The following LUZP2 variants were observed in gnomAD, a reference collection of about 807,000 sequenced individuals.
LUZP2 encodes leucine zipper protein 2.
LUZP2 carries 52 observed loss-of-function variants against 51.6 expected under a neutral mutation model. The ratio of observed to expected loss-of-function variants is 1.01; its 90% confidence interval spans 0.81 to 1.27. The LOEUF is 1.27. LUZP2 is among the 50% of genes most tolerant of loss of function. The probability of loss-of-function intolerance (pLI) is 0.00; values close to 1 mark genes in which losing one functional copy is unlikely to be tolerated. For synonymous variants in LUZP2, 154 were observed against 137.3 expected (o/e 1.12, Z -0.85); for missense variants, 436 against 395.4 (o/e 1.10, Z -0.87).
At chr11:24,525,068 C>A (rs2133809959) in intron 1 of LUZP2, among the ~76,000 whole-genome samples, 1 of 151,750 alleles carries the variant, frequency 6.6e-6, no homozygotes, top group Non-Finnish European at 1.5e-5. Context: ...TATGATTCTC[C>A]AATTTTTCAG....
chr11:24,897,345 TTGCTCTTTGCAATAAATCTTGTTC>T (rs1304469731), intron 5 of LUZP2, among the ~76,000 whole-genome samples: 1 of 152,200 alleles, frequency 6.6e-6, no homozygotes, highest in East Asian at 1.9e-4. Context: ...CTTTGTTGTT[TTGCTCTTTGCAATAAATCTTGTTC>T]TGCTCTTTCT....
At chr11:24,853,711 T>C in intron 5 of LUZP2, among the ~76,000 whole-genome samples, 1 of 152,136 alleles carries the variant, frequency 6.6e-6, no homozygotes, top group African/African-American at 2.4e-5. Context: ...TTTCTGGCTT[T>C]TGGAATTTTC....
At chr11:25,001,789 CTA>C (rs1856688288) in intron 9 of LUZP2, among the ~76,000 whole-genome samples, 1 of 152,076 alleles carries the variant, frequency 6.6e-6, no homozygotes, top group African/African-American at 2.4e-5. Flanking sequence ...CTTTGTCTCT[CTA>C]TCTCTTCCTC....
chr11:24,578,332 T>C (rs7131395), intron 1 of LUZP2, among the ~76,000 whole-genome samples: 87,569 of 151,818 alleles, frequency 0.58, 25,867 homozygotes, highest in East Asian at 0.73. Context: ...TACTTTTTGT[T>C]TTCATAATTT....
chr11:24,967,606 T>A (rs928899635), intron 7 of LUZP2, among the ~76,000 whole-genome samples: 4 of 152,010 alleles, frequency 2.6e-5, no homozygotes, highest in Admixed American at 1.3e-4. Flanking sequence ...TCAGAATGAA[T>A]CATTTCTATT....
rs760534169 is a variant in LUZP2, at chr11:25,079,344, A to G, written c.*686A>G. The G allele has an allele frequency of 8.5e-5, 13 of 152,160 alleles. No individual in the cohort carries two copies. Among genetic ancestry groups the G allele is most frequent in the Non-Finnish European group, 1.8e-4 (12 of 68,010 alleles). The allele number at this position is 152,160 out of a possible 1,614,324, so 9.4% of individuals were successfully genotyped here. A position where few individuals can be genotyped will look rare whatever the true frequency, so the allele number is the denominator to read the frequency against. On this transcript the variant is annotated 3_prime_UTR_variant, in exon 12 of 12. Coordinates refer to ENST00000336930, the MANE Select transcript of LUZP2 (RefSeq NM_001009909.4). ...TTGGCATTCTATAGACACATCTCCTATGTATGTCTACTGTAATTAATCCAA... is the reference window on the plus strand; with the variant it reads ...TTGGCATTCTATAGACACATCTCCTGTGTATGTCTACTGTAATTAATCCAA...
intron 5 of LUZP2, among the ~76,000 whole-genome samples, chr11:24,789,768 A>G (rs547554671): frequency 6.6e-6 from 1 of 152,286 alleles, no homozygotes; most frequent in South Asian, 2.1e-4. Flanking sequence ...GTGTCCCCAC[A>G]TGGTGGAAGA....
chr11:24,965,920 A>C (rs1855569473), intron 7 of LUZP2, among the ~76,000 whole-genome samples: 1 of 151,812 alleles, frequency 6.6e-6, no homozygotes, highest in Admixed American at 6.6e-5. Flanking sequence ...CTTACTTTGC[A>C]CACAGGGAAT....
chr11:25,041,203 T>C (rs1381100864), intron 9 of LUZP2, among the ~76,000 whole-genome samples: 2 of 152,184 alleles, frequency 1.3e-5, no homozygotes, highest in African/African-American at 4.8e-5. Flanking sequence ...CTGGATAGTA[T>C]TGAATCCTCT....
intron 1 of LUZP2, among the ~76,000 whole-genome samples, chr11:24,687,970 C>T (rs762843280): frequency 6.6e-5 from 10 of 152,064 alleles, no homozygotes; most frequent in Non-Finnish European, 1.5e-4. Flanking sequence ...GGCTTGGAGC[C>T]TGGCTTCACT....
intron 9 of LUZP2, among the ~76,000 whole-genome samples, chr11:24,985,657 A>T (rs1311409376): frequency 6.6e-6 from 1 of 151,712 alleles, no homozygotes; most frequent in Non-Finnish European, 1.5e-5. Flanking sequence ...GAAATCAAGA[A>T]TAAAAGTCCT....
chr11:25,017,650 G>A (rs1857196106), intron 9 of LUZP2, among the ~76,000 whole-genome samples: 1 of 152,070 alleles, frequency 6.6e-6, no homozygotes, highest in South Asian at 2.1e-4. Context: ...CTGTTCTGGT[G>A]ACTATAGCCT....
intron 9 of LUZP2, among the ~76,000 whole-genome samples, chr11:25,003,003 G>T (rs1366771084): frequency 6.6e-6 from 1 of 152,212 alleles, no homozygotes; most frequent in Non-Finnish European, 1.5e-5. Context: ...GAATAAGCCA[G>T]TATAGGCTGT....
intron 1 of LUZP2, among the ~76,000 whole-genome samples, chr11:24,510,967 A>G (rs1850292014): frequency 6.6e-6 from 1 of 152,024 alleles, no homozygotes; most frequent in Admixed American, 6.6e-5. Flanking sequence ...TCATCCTTCT[A>G]AATAGCAGCA....
At chr11:24,517,726 G>A (rs1269413617) in intron 1 of LUZP2, among the ~76,000 whole-genome samples, 1 of 151,950 alleles carries the variant, frequency 6.6e-6, no homozygotes, top group African/African-American at 2.4e-5. Context: ...CAGATAGTCT[G>A]AAGTGTTAAA....
chr11:24,718,702 A>T (rs927240165), intron 1 of LUZP2, among the ~76,000 whole-genome samples: 1 of 152,214 alleles, frequency 6.6e-6, no homozygotes, highest in East Asian at 1.9e-4. Flanking sequence ...ATACATAAAT[A>T]ATAAAATATT....
intron 10 of LUZP2, among the ~76,000 whole-genome samples, chr11:25,057,018 TG>T (rs1419374830): frequency 6.6e-6 from 1 of 152,178 alleles, no homozygotes; most frequent in Non-Finnish European, 1.5e-5. Context: ...GACAATCACT[TG>T]AACCTGGGAG....
intron 1 of LUZP2, among the ~76,000 whole-genome samples, chr11:24,621,491 C>A (rs1037835585): frequency 2.0e-5 from 3 of 152,120 alleles, no homozygotes; most frequent in African/African-American, 7.2e-5. Flanking sequence ...TTGAAGAGCT[C>A]ATCCCATGAG....
At chr11:25,007,413 G>A (rs1299595827) in intron 9 of LUZP2, among the ~76,000 whole-genome samples, 9 of 152,086 alleles carry the variant, frequency 5.9e-5, no homozygotes, top group African/African-American at 2.2e-4. Flanking sequence ...GACCAGCCTG[G>A]CTAACATGGT....
Sources: allele counts gnomAD v4.1 joint callset (sites outside exome capture counted in the v4.1 genomes callset), GRCh38; gene constraint gnomAD v4.1.1; transcripts MANE v1.5; gene names NCBI Gene and HGNC (gene_info 2026-07-23, HGNC 2026-07-21).